The following SDK1 variants were observed in gnomAD, a reference collection of about 807,000 sequenced individuals.
SDK1 encodes the protein protein sidekick-1.
Under a neutral mutation model 245.5 loss-of-function variants are expected in SDK1, and 157 were observed. The ratio of observed to expected loss-of-function variants is 0.64; its 90% confidence interval spans 0.56 to 0.73. SDK1 has a LOEUF of 0.73. Ranked by LOEUF, SDK1 falls within the 30% of genes least tolerant of loss-of-function variation. SDK1 has a pLI of 0.00. For synonymous variants in SDK1, 1,647 were observed against 1,278.5 expected, an observed-to-expected ratio of 1.29 and a Z score of -6.15; for missense variants, 3,583 against 3,002.3, an observed-to-expected ratio of 1.19 and a Z score of -4.52.
intron 1 of SDK1, among the ~76,000 whole-genome samples, chr7:3,565,552 T>G (rs1406210656): frequency 1.3e-5 from 2 of 152,204 alleles, no homozygotes; most frequent in South Asian, 2.1e-4. Flanking sequence ...GTAAACTGAT[T>G]ACTAGAACTA....
Position 3,596,641 on chromosome 7 carries a change from G to A in SDK1, c.299-22439G>A, listed in dbSNP as rs28592009. On this transcript the variant is annotated intron_variant, in intron 1 of 44. Transcript: ENST00000404826. ...CATCCCTGTAGGCAGTCGTTTTTCT[G>A]ATTTCTTTTCAAATAGATAAATATT... Among the ~76,000 whole-genome samples, 305 of 152,096 alleles carry A rather than the reference G, an allele frequency of 2.0e-3. 2 individuals are homozygous for A. The highest frequency in any genetic ancestry group is 6.6e-3 in the African/African-American group (275 of 41,528).
At chr7:4,015,574 A>G (rs1010981104) in intron 16 of SDK1, among the ~76,000 whole-genome samples, 1 of 152,330 alleles carries the variant, frequency 6.6e-6, no homozygotes. Flanking sequence ...GAGGACCATC[A>G]TGCTACGTCG....
chr7:3,514,314 T>C (rs56134531), intron 1 of SDK1, among the ~76,000 whole-genome samples: 39,775 of 152,172 alleles, frequency 0.26, 5,400 homozygotes, highest in East Asian at 0.33. Context: ...TGTGTGAATT[T>C]GTGTTTTCTG....
chr7:3,785,797 G>C (rs764462757), intron 4 of SDK1, among the ~76,000 whole-genome samples: 12 of 152,184 alleles, frequency 7.9e-5, no homozygotes, highest in Non-Finnish European at 1.6e-4. Flanking sequence ...AAGGTCCCAA[G>C]CATGACAGAT....
intron 1 of SDK1, among the ~76,000 whole-genome samples, chr7:3,614,065 AC>A (rs1232613536): frequency 6.6e-6 from 1 of 152,000 alleles, no homozygotes. Context: ...TGTACAACAA[AC>A]CCCCATAGCA....
At chr7:3,727,449 A>G (rs1031697492) in intron 4 of SDK1, among the ~76,000 whole-genome samples, 4 of 152,124 alleles carry the variant, frequency 2.6e-5, no homozygotes, top group African/African-American at 4.8e-5. Context: ...TGTGCTCTCT[A>G]TAAGGCTGGT....
At chr7:3,858,116 A>G (rs559913736) in intron 5 of SDK1, among the ~76,000 whole-genome samples, 2 of 152,240 alleles carry the variant, frequency 1.3e-5, no homozygotes, top group Non-Finnish European at 2.9e-5. Context: ...TATTCATGCT[A>G]TGGAATACAA....
chr7:3,453,672 T>G (rs538816704), intron 1 of SDK1, among the ~76,000 whole-genome samples: 2 of 152,302 alleles, frequency 1.3e-5, no homozygotes, highest in East Asian at 1.9e-4. Flanking sequence ...CTGGAACTTC[T>G]GGGCTCAAAC....
intron 5 of SDK1, among the ~76,000 whole-genome samples, chr7:3,884,503 G>A (rs1015181206): frequency 4.6e-5 from 7 of 152,204 alleles, no homozygotes; most frequent in Admixed American, 2.0e-4. Context: ...AGAGCAGTTA[G>A]CGCCGTTTCT....
chr7:3,429,139 A>G lies in SDK1; in HGVS notation c.298+127255A>G, dbSNP rs184207973. On this transcript the variant is annotated intron_variant, in intron 1 of 44. Transcript: ENST00000404826. ...GCAATAATGAGAAGGCTCAGTTTGG[A>G]GCATCTAAAATTGTTCAGGGTACAA... Among the ~76,000 whole-genome samples the G allele has an allele frequency of 2.7e-4, 41 of 152,336 alleles. 2 individuals carry two copies. The highest frequency in any genetic ancestry group is 2.2e-3 in the Admixed American group (34 of 15,306).
intron 1 of SDK1, among the ~76,000 whole-genome samples, chr7:3,366,769 G>A (rs1247053976): frequency 6.6e-6 from 1 of 151,980 alleles, no homozygotes; most frequent in African/African-American, 2.4e-5. Context: ...TTGAGACAGA[G>A]TCTTGCTCTG....
At position 3,567,290 on chromosome 7, in the gene SDK1, T is replaced by TG. The variant is rs571186397; in HGVS notation, c.299-51789dup. ...ATTCCTCAGCGGCTTCGTGGGTTGT[T>TG]GTGAGAATGAAATGGCTTGATACCT... On this transcript the variant is annotated intron_variant, in intron 1 of 44. Coordinates refer to ENST00000404826, the MANE Select transcript of SDK1 (RefSeq NM_152744.4). 4.7e-3 allele frequency among the ~76,000 whole-genome samples: 709 copies of TG among 152,310 alleles called. 2 individuals carry two copies. The highest frequency in any genetic ancestry group is 0.037 in the Middle Eastern group (11 of 294).
chr7:3,497,927 T>C (rs1040146545), intron 1 of SDK1, among the ~76,000 whole-genome samples: 7 of 152,216 alleles, frequency 4.6e-5, no homozygotes, highest in Non-Finnish European at 8.8e-5. Flanking sequence ...CTGGATGTGA[T>C]ACTTTTTCCA....
intron 5 of SDK1, among the ~76,000 whole-genome samples, chr7:3,925,142 G>A (rs986133986): frequency 2.0e-5 from 3 of 151,972 alleles, no homozygotes; most frequent in Non-Finnish European, 4.4e-5. Flanking sequence ...AGGAACCAGG[G>A]CCCCAGAGCT....
chr7:3,821,628 C>G lies in SDK1; in HGVS notation c.847+45C>G, dbSNP rs369867651. The G allele has an allele frequency of 8.7e-6, 14 of 1,601,340 alleles. No individual in the cohort carries two copies. The African/African-American group carries it at 1.6e-4, about 18-fold the overall frequency. On this transcript the variant is annotated intron_variant, in intron 5 of 44. Coordinates refer to ENST00000404826, the MANE Select transcript of SDK1 (RefSeq NM_152744.4). ...ATGGTAATTCTGCAAGCAATAAAAT[C>G]TTGCTTTAATCAGTAACCACTGTCT...
chr7:3,488,492 C>A (rs1199937479), intron 1 of SDK1, among the ~76,000 whole-genome samples: 5 of 152,146 alleles, frequency 3.3e-5, no homozygotes, highest in Non-Finnish European at 7.4e-5. Flanking sequence ...TCTTCAGAGG[C>A]TGTGATCCTT....
chr7:3,967,833 A>C (rs1465451189), intron 10 of SDK1, among the ~76,000 whole-genome samples: 2 of 152,216 alleles, frequency 1.3e-5, no homozygotes, highest in African/African-American at 4.8e-5. Flanking sequence ...ACCTCCTGCT[A>C]CGCAGCCCAG....
At chr7:4,010,066 T>A (rs1785814054) in intron 14 of SDK1, among the ~76,000 whole-genome samples, 1 of 152,222 alleles carries the variant, frequency 6.6e-6, no homozygotes. Flanking sequence ...GAAAGGGACC[T>A]TAGCGCCACT....
chr7:3,477,501 GTTTC>G (rs1466267668), intron 1 of SDK1, among the ~76,000 whole-genome samples: 5 of 147,302 alleles, frequency 3.4e-5, no homozygotes, highest in South Asian at 2.1e-4. Context: ...CTATGGTTTT[GTTTC>G]TTTCTTTTTT....
Sources: gnomAD v4.1 joint callset for allele counts (sites outside exome capture counted in the v4.1 genomes callset) on GRCh38, gnomAD v4.1.1 for gene constraint, MANE v1.5 for transcripts, NCBI Gene and HGNC (gene_info 2026-07-23, HGNC 2026-07-21) for gene names.